DTNA: variants seen among roughly 807,000 people sequenced by gnomAD.
DTNA encodes the protein dystrobrevin alpha.
A neutral mutation model predicts 100.7 loss-of-function variants in DTNA; 43 were observed. The ratio of observed to expected loss-of-function variants is 0.43; its 90% CI spans 0.33 to 0.55. The LOEUF is 0.55. Ranked by LOEUF, DTNA falls within the 20% of genes least tolerant of loss-of-function variation. The pLI, the probability that DTNA is intolerant of heterozygous loss-of-function variation, is 0.04. For missense variants in DTNA, 798 were observed against 953.9 expected, an observed-to-expected ratio of 0.84 and a Z score of 2.15; for synonymous variants, 349 against 347.9, an observed-to-expected ratio of 1.00 and a Z score of -0.04.
chr18:34,529,719 T>C (rs1335814135), intron 1 of DTNA, among the ~76,000 whole-genome samples: 3 of 152,172 alleles, frequency 2.0e-5, no homozygotes, highest in Non-Finnish European at 4.4e-5. Flanking sequence ...TTTAATGTAC[T>C]GTCTCTTAAT....
intron 3 of DTNA, among the ~76,000 whole-genome samples, chr18:34,776,531 T>TGC (rs1568484293): frequency 4.6e-5 from 7 of 152,088 alleles, no homozygotes; most frequent in African/African-American, 1.7e-4. Context: ...TTAGTAGAGA[T>TGC]GGGGTTTCAC....
chr18:34,723,860 C>T (rs1258435538), intron 1 of DTNA, among the ~76,000 whole-genome samples: 4 of 151,794 alleles, frequency 2.6e-5, no homozygotes, highest in African/African-American at 9.7e-5. Context: ...GATCGTGCCA[C>T]TGCACTCCAG....
intron 1 of DTNA, among the ~76,000 whole-genome samples, chr18:34,559,941 A>G (rs1346205002): frequency 6.6e-6 from 1 of 152,172 alleles, no homozygotes; most frequent in Non-Finnish European, 1.5e-5. Context: ...AATTATTATG[A>G]TTGTAAACTA....
Position 34,812,045 on chromosome 18 carries a change from A to G in DTNA, c.535A>G (p.Thr179Ala), listed in dbSNP as rs763464119. ...CCTTCGGGAAGTTCTCAAACTACCC[A>G]CGGCAGTTTTTGAAGGTCCTTCATT... ...QFLREVLKLP[T>A]AVFEGPSFGY... Residue 179 changes from threonine (T) to alanine (A), a missense_variant, in exon 6 of 23, where the codon ACG (threonine) becomes GCG (alanine). Thr to Ala is a moderately conservative substitution (Grantham distance 58). Around this residue, in one of 6 missense-constraint regions of DTNA, gnomAD observed 81 missense variants for 153.5 expected, o/e 0.53. Coordinates refer to ENST00000444659, the MANE Select transcript of DTNA (RefSeq NM_001386795.1). 2 of 1,614,094 alleles carry G rather than the reference A, an allele frequency of 1.2e-6. No homozygotes were observed. The highest frequency in any genetic ancestry group is 1.1e-5 in the South Asian group (1 of 91,080).
rs143236354 is a variant in DTNA at position 34,889,241 on chromosome 18, T to C, written c.*1507T>C. The stretch of plus-strand genomic sequence containing the variant: ...AGGAGAGAACATTTTAGAACAATAG[T>C]TCTCAAAGTGTGTTCCCCGGACAAG... On this transcript the variant is annotated 3_prime_UTR_variant, in exon 23 of 23. Coordinates refer to ENST00000444659, the MANE Select transcript of DTNA (RefSeq NM_001386795.1). 1.0e-6 allele frequency: 1 copy of C among 985,434 alleles called. No individual in the cohort carries two copies. The highest frequency in any genetic ancestry group is 1.7e-5 in the African/African-American group (1 of 57,356). 61.0% of individuals were successfully genotyped at this position (985,434 alleles called of 1,614,324 possible). A position where few individuals can be genotyped will look rare whatever the true frequency, so the allele number is the denominator to read the frequency against.
intron 1 of DTNA, among the ~76,000 whole-genome samples, chr18:34,598,683 G>A (rs2051142852): frequency 6.6e-6 from 1 of 152,094 alleles, no homozygotes; most frequent in African/African-American, 2.4e-5. Flanking sequence ...CTAACACGGT[G>A]AAACCCCATC....
intron 20 of DTNA, among the ~76,000 whole-genome samples, chr18:34,880,073 T>C (rs560220962): frequency 1.7e-3 from 254 of 152,288 alleles, no homozygotes; most frequent in African/African-American, 5.2e-3. Context: ...CTTCTGAACT[T>C]ATTGTATTTG....
chr18:34,823,478 G>A (rs1205114307), intron 9 of DTNA, among the ~76,000 whole-genome samples: 1 of 152,112 alleles, frequency 6.6e-6, no homozygotes, highest in Non-Finnish European at 1.5e-5. Flanking sequence ...TCCACTTAAT[G>A]CGCTTAATTT....
chr18:34,852,735 C>T (rs1045988750), intron 15 of DTNA, among the ~76,000 whole-genome samples: 2 of 152,150 alleles, frequency 1.3e-5, no homozygotes, highest in African/African-American at 4.8e-5. Context: ...TTCCCTCAGC[C>T]TAGAAAGCTC....
chr18:34,676,204 G>A (rs1323755581), intron 1 of DTNA, among the ~76,000 whole-genome samples: 2 of 152,154 alleles, frequency 1.3e-5, no homozygotes, highest in Non-Finnish European at 2.9e-5. Flanking sequence ...TGGTATGAAG[G>A]TCACTACCTT....
At chr18:34,689,522 G>A (rs887350018) in intron 1 of DTNA, among the ~76,000 whole-genome samples, 4 of 152,118 alleles carry the variant, frequency 2.6e-5, no homozygotes, top group African/African-American at 4.8e-5. Context: ...TGGAAGCTTC[G>A]TCCCAGAAGG....
At position 34,542,714 on chromosome 18, in the gene DTNA, C is replaced by T. The variant is rs149013221; in HGVS notation, c.-2+49200C>T. On this transcript the variant is annotated intron_variant, in intron 1 of 19. Transcript: ENST00000283365. ...AATTAAGAATTAAGAGTGGAGATGTCACTTGGTGTTGCCAGGCTTTGGGGT... is the reference window on the plus strand; with the variant it reads ...AATTAAGAATTAAGAGTGGAGATGTTACTTGGTGTTGCCAGGCTTTGGGGT... Among the ~76,000 whole-genome samples the T allele has an allele frequency of 3.5e-3, 529 of 151,758 alleles. 4 individuals are homozygous for T. Among genetic ancestry groups the T allele is most frequent in the African/African-American group, 0.012 (499 of 41,426 alleles).
At position 34,864,248 on chromosome 18, in the gene DTNA, C is replaced by CTTTTT. The variant is rs555273655; in HGVS notation, c.1743+202_1743+206dup. Among the ~76,000 whole-genome samples the CTTTTT allele has an allele frequency of 1.2e-4, 15 of 127,418 alleles. 1 individual carries two copies. The highest frequency in any genetic ancestry group is 8.2e-5 in the Non-Finnish European group (5 of 60,760). The allele number at this position is 127,418 out of a possible 152,430, so 83.6% of individuals were successfully genotyped here. ...GTAGCTGTCAGTAATAGAACACATTCTTTTTTTTTTTTTTTTTTTTGAGAC... is the reference window on the plus strand; with the variant it reads ...GTAGCTGTCAGTAATAGAACACATTCTTTTTTTTTTTTTTTTTTTTTTTTTGAGAC... On this transcript the variant is annotated intron_variant, in intron 17 of 22. Transcript: ENST00000444659.
chr18:34,547,731 A>G (rs1250608831), intron 1 of DTNA, among the ~76,000 whole-genome samples: 5 of 152,192 alleles, frequency 3.3e-5, no homozygotes, highest in Non-Finnish European at 5.9e-5. Flanking sequence ...GACAAATTCA[A>G]CATTTGAAAA....
intron 1 of DTNA, among the ~76,000 whole-genome samples, chr18:34,679,163 T>C (rs2077757851): frequency 6.6e-6 from 1 of 152,214 alleles, no homozygotes; most frequent in Non-Finnish European, 1.5e-5. Flanking sequence ...TAGAGCTATA[T>C]CAGGAACCCA....
chr18:34,783,295 A>G (rs541483580), intron 3 of DTNA, among the ~76,000 whole-genome samples: 1 of 152,316 alleles, frequency 6.6e-6, no homozygotes, highest in African/African-American at 2.4e-5. Flanking sequence ...CTGCAGACAC[A>G]ATTTAAGGAA....
At chr18:34,582,682 A>G (rs770252543) in intron 1 of DTNA, among the ~76,000 whole-genome samples, 6 of 152,224 alleles carry the variant, frequency 3.9e-5, no homozygotes, top group Non-Finnish European at 8.8e-5. Context: ...CAACTCTTAC[A>G]GTTGGATAAA....
At chr18:34,697,086 A>G (rs949457996) in intron 1 of DTNA, among the ~76,000 whole-genome samples, 5 of 152,152 alleles carry the variant, frequency 3.3e-5, no homozygotes, top group African/African-American at 4.8e-5. Context: ...CAACGTATCA[A>G]TAGTGCCAAT....
intron 1 of DTNA, among the ~76,000 whole-genome samples, chr18:34,628,690 T>C (rs1271342590): frequency 7.9e-5 from 12 of 152,212 alleles, no homozygotes; most frequent in Non-Finnish European, 7.3e-5. Context: ...TCTAAAGATA[T>C]AGCTAAAGCA....
Sources: gnomAD v4.1 joint callset for allele counts (sites outside exome capture counted in the v4.1 genomes callset) on GRCh38, gnomAD v4.1.1 for gene constraint, gnomAD v4.1.1 regional missense constraint, MANE v1.5 for transcripts, NCBI Gene and HGNC (gene_info 2026-07-23, HGNC 2026-07-21) for gene names.